Variants in MYH1 observed in about 807,000 individuals in gnomAD.
The protein encoded by MYH1 is myosin heavy chain 1.
In MYH1, 214 loss-of-function variants were observed where a neutral mutation model predicts 225.6. The ratio of observed to expected loss-of-function variants is 0.95; its 90% CI spans 0.85 to 1.06. The LOEUF (loss-of-function observed/expected upper bound fraction) is 1.06, where lower values mean the gene tolerates loss of function less well. Ranked by LOEUF, MYH1 falls within the 50% of genes least tolerant of loss-of-function variation. The pLI is 0.00. For missense variants in MYH1, 2,098 were observed against 2,344.2 expected (o/e 0.89, Z 2.17); for synonymous variants, 774 against 842.3 (o/e 0.92, Z 1.40).
chr17:10,506,303 T>G (rs540513257), intron 17 of MYH1, among the ~76,000 whole-genome samples: 1 of 152,308 alleles, frequency 6.6e-6, no homozygotes, highest in South Asian at 2.1e-4. Context: ...AAGCATAGTT[T>G]TCTACTTGCT....
At chr17:10,515,212 G>A (rs2073213560) in intron 5 of MYH1, among the ~76,000 whole-genome samples, 1 of 152,208 alleles carries the variant, frequency 6.6e-6, no homozygotes, top group African/African-American at 2.4e-5. Flanking sequence ...ATCAAGCCAT[G>A]ACTGAGATTT....
Position 10,492,532 on chromosome 17 carries a change from T to C in MYH1, c.5704A>G (p.Arg1902Gly). The change falls in exon 40 of 40, where the codon AGG becomes GGG. Residue 1902 changes from arginine to glycine, a missense_variant. Physicochemically the swap from Arg to Gly is moderately radical, Grantham distance 125 (BLOSUM62 -2). Transcript: ENST00000226207. ...QSNVNLSKFR[R>G]IQHELEEAEE... ...GCCTCCTCCAGCTCGTGCTGGATCC[T>C]GCGGAATTTGGAGAGGTTGACGTTG... 6.2e-7 allele frequency: 1 copy of C among 1,614,046 alleles called. No homozygotes were observed. Among genetic ancestry groups the C allele is most frequent in the South Asian group, 1.1e-5 (1 of 91,048 alleles).
At chr17:10,498,005 ACTT>A in intron 30 of MYH1, 88 bp from the exon 31 acceptor site, 1 of 1,263,466 alleles carries the variant, frequency 7.9e-7, no homozygotes, top group East Asian at 2.4e-5. Context: ...CCACAATCAG[ACTT>A]CTTTAATACT....
In MYH1 at chr17:10,492,321, A is replaced by G; in HGVS notation, c.*95T>C. 1 of 1,489,976 alleles carries G rather than the reference A, an allele frequency of 6.7e-7. No individual in the cohort carries two copies. Among genetic ancestry groups the G allele is most frequent in the South Asian group, 1.3e-5 (1 of 79,482 alleles). The allele number at this position is 1,489,976 out of a possible 1,614,324, so 92.3% of individuals were successfully genotyped here. A position where few individuals can be genotyped will look rare whatever the true frequency, so the allele number is the denominator to read the frequency against. On this transcript the variant is annotated 3_prime_UTR_variant, in exon 40 of 40. Transcript: ENST00000226207. Reference sequence around the variant, plus strand: ...AGACTCACAAGTTTTTGGCAGATAAATTTTTTATCTCCAAAAGTCATAAGT... The same window carrying G: ...AGACTCACAAGTTTTTGGCAGATAAGTTTTTTATCTCCAAAAGTCATAAGT...
At position 10,494,297 on chromosome 17, in the gene MYH1, A is replaced by G. The variant is rs17810873; in HGVS notation, c.5667+57T>C. The G allele has an allele frequency of 1.0e-3, 1,475 of 1,480,060 alleles. 31 individuals are homozygous for G. The East Asian group carries it at 0.031, about 31-fold the overall frequency. 91.7% of individuals were successfully genotyped at this position (1,480,060 alleles called of 1,614,324 possible). Reference sequence around the variant, plus strand: ...TACTCATCTTTTCTTTTGTCACTTTAACTAAACTGGCCTGGTCATGTCTGA... The same window carrying G: ...TACTCATCTTTTCTTTTGTCACTTTGACTAAACTGGCCTGGTCATGTCTGA... On this transcript the variant is annotated intron_variant, in intron 39 of 39. Transcript: ENST00000226207.
At position 10,501,450 on chromosome 17, in the gene MYH1, C is replaced by T. The variant is rs749599520; in HGVS notation, c.3398G>A (p.Arg1133Gln). The T allele has an allele frequency of 8.7e-6, 14 of 1,614,112 alleles. No homozygotes were observed. Among genetic ancestry groups the T allele is most frequent in the Non-Finnish European group, 1.2e-5 (14 of 1,180,050 alleles). Residue 1133 changes from arginine (R) to glutamine (Q), a missense_variant, in exon 27 of 40, where the codon CGG becomes CAG. By Grantham distance (43) the Arg-to-Gln change is conservative. Transcript: ENST00000226207. ...AGAGCGCTGCTTCTCTGCTTTGGCC[C>T]GGGAGGCCCGCTCTGCCTCGATTTC... ...EEEIEAERAS[R>Q]AKAEKQRSDL... is the part of the protein sequence containing the mutation.
rs774434295 is a variant in MYH1 at position 10,496,430 on chromosome 17, T to G, written c.4776A>C (p.Arg1592Ser). The G allele has an allele frequency of 1.1e-5, 18 of 1,613,952 alleles. No individual in the cohort carries two copies. Among genetic ancestry groups the G allele is most frequent in the Non-Finnish European group, 1.4e-5 (17 of 1,180,022 alleles). Residue 1592 changes from arginine (R) to serine (S), a missense_variant, in exon 34 of 40, where the codon AGA becomes AGC. Physicochemically the swap from Arg to Ser is moderately radical, Grantham distance 110. Coordinates refer to ENST00000226207, the MANE Select transcript of MYH1 (RefSeq NM_005963.4). Reference protein sequence around the residue: ...EKDEEIDQMKRNHIRIVESMQ... With the variant: ...EKDEEIDQMKSNHIRIVESMQ... ...TGGACTCCACGATTCTAATGTGGTT[T>G]CTCTTCATCTGGTCAATTTCCTCAT...
In MYH1 at chr17:10,505,426, C is replaced by A. The variant is rs1429228181; in HGVS notation, c.2260G>T (p.Asp754Tyr). Reference protein sequence around the residue: ...KASEKLLGSIDIDHTQYKFGH... With the variant: ...KASEKLLGSIYIDHTQYKFGH... ...AATTTATACTGGGTGTGGTCAATGTCAATGGACCCCAGGAGCTTCTCTGAA... is the reference window on the plus strand; with the variant it reads ...AATTTATACTGGGTGTGGTCAATGTAAATGGACCCCAGGAGCTTCTCTGAA... Residue 754 changes from aspartate (D) to tyrosine (Y), a missense_variant, in exon 20 of 40, where the codon GAC becomes TAC. Transcript: ENST00000226207. 1 of 1,614,168 alleles carries A rather than the reference C, an allele frequency of 6.2e-7. No individual in the cohort carries two copies. Among genetic ancestry groups the A allele is most frequent in the South Asian group, 1.1e-5 (1 of 91,070 alleles).
At chr17:10,499,292 A>G (rs2073029494) in intron 28 of MYH1, among the ~76,000 whole-genome samples, 200 bp from the exon 29 acceptor site, 1 of 152,262 alleles carries the variant, frequency 6.6e-6, no homozygotes, top group South Asian at 2.1e-4. Flanking sequence ...GGCAGATTAC[A>G]TGCTTGTGAA....
At chr17:10,495,773 A>AAAAAAAAAAAAAAAAAAAC (rs2072984775) in intron 35 of MYH1, among the ~76,000 whole-genome samples, 177 bp downstream of exon 35, 1 of 149,776 alleles carries the variant, frequency 6.7e-6, no homozygotes, top group Non-Finnish European at 1.5e-5. Flanking sequence ...AAAAAAAAAA[A>AAAAAAAAAAAAAAAAAAAC]AAATCAACTA....
In MYH1 at chr17:10,500,703, A is replaced by T. The variant is rs772874315; in HGVS notation, c.3788T>A (p.Ile1263Asn). The change falls in exon 28 of 40, where the codon ATT becomes AAT. Residue 1263 changes from isoleucine (I) to asparagine (N), a missense_variant. Transcript: ENST00000226207. Reference sequence around the variant, plus strand: ...CTGCTGCTCCTCTTCCTTGGTCTTAATTTCACTCAGTTGATCTTCTAGAGC... The same window carrying T: ...CTGCTGCTCCTCTTCCTTGGTCTTATTTTCACTCAGTTGATCTTCTAGAGC... Reference protein sequence around the residue: ...CRALEDQLSEIKTKEEEQQRL... With the variant: ...CRALEDQLSENKTKEEEQQRL... 1 of 1,614,038 alleles carries T rather than the reference A, an allele frequency of 6.2e-7. No individual in the cohort carries two copies. The highest frequency in any genetic ancestry group is 8.5e-7 in the Non-Finnish European group (1 of 1,179,986).
Position 10,515,828 on chromosome 17 carries a change from G to A in MYH1, c.505+98C>T, listed in dbSNP as rs190613978. 2.3e-4 allele frequency: 359 copies of A among 1,588,956 alleles called. No individual in the cohort carries two copies. In the African/African-American group the frequency reaches 4.2e-3, roughly 19 times the overall value. On this transcript the variant is annotated intron_variant, in intron 5 of 39. Transcript: ENST00000226207. ...TCACCTCTGCTGAACAACCAGGGGCGTGAATTGGGTTTTTTTCTAAAGGTC... is the reference window on the plus strand; with the variant it reads ...TCACCTCTGCTGAACAACCAGGGGCATGAATTGGGTTTTTTTCTAAAGGTC...
chr17:10,507,423 T>C (rs2073124178), intron 17 of MYH1, among the ~76,000 whole-genome samples: 3 of 152,184 alleles, frequency 2.0e-5, no homozygotes, highest in Non-Finnish European at 2.9e-5. Flanking sequence ...TTCTTTTGAC[T>C]CAGGCTCCAA....
At chr17:10,497,219 A>AT in intron 32 of MYH1, 26 bp from the exon 33 acceptor site, 1 of 1,597,526 alleles carries the variant, frequency 6.3e-7, no homozygotes, top group Non-Finnish European at 8.5e-7. Context: ...AAATATAGAA[A>AT]TTTGTTTATA....
At chr17:10,497,677 G>A in intron 31 of MYH1, 57 bp downstream of exon 31, 1 of 1,599,182 alleles carries the variant, frequency 6.3e-7, no homozygotes, top group Non-Finnish European at 8.6e-7. Context: ...CACACTGAAG[G>A]TAGCAGGCTA....
At chr17:10,502,331 G>T (rs1237702391) in intron 24 of MYH1, among the ~76,000 whole-genome samples, 1 of 152,160 alleles carries the variant, frequency 6.6e-6, no homozygotes, top group African/African-American at 2.4e-5. Flanking sequence ...AGTGTCCTTT[G>T]TTTCTGTGAG....
chr17:10,493,960 C>T (rs2072960837), intron 39 of MYH1, among the ~76,000 whole-genome samples: 1 of 152,152 alleles, frequency 6.6e-6, no homozygotes, highest in Non-Finnish European at 1.5e-5. Context: ...CCCAAATGCT[C>T]TTTTTAAAAA....
At chr17:10,502,680 T>C (rs557762717) in intron 24 of MYH1, 58 bp downstream of exon 24, 50 of 1,611,040 alleles carry the variant, frequency 3.1e-5, no homozygotes, top group Non-Finnish European at 4.0e-5. Flanking sequence ...CACAAACTTA[T>C]GCTTACTTAG....
At chr17:10,502,060 A>G in intron 24 of MYH1, 149 bp from the exon 25 acceptor site, 2 of 827,594 alleles carry the variant, frequency 2.4e-6, no homozygotes, top group Non-Finnish European at 3.6e-6. Flanking sequence ...CTTGGTATTT[A>G]CCTAGTCGAA....
Sources: allele counts gnomAD v4.1 joint callset (sites outside exome capture counted in the v4.1 genomes callset), GRCh38; gene constraint gnomAD v4.1.1; transcripts MANE v1.5; gene names NCBI Gene and HGNC (gene_info 2026-07-23, HGNC 2026-07-21).